TPTE2: variants seen among roughly 807,000 people sequenced by gnomAD.
TPTE2 encodes transmembrane phosphoinositide 3-phosphatase and tensin homolog 2.
A neutral mutation model predicts 78.6 loss-of-function variants in TPTE2; 53 were observed. The observed-to-expected ratio is 0.67, with a 90% CI of 0.54 to 0.85. TPTE2 has a LOEUF of 0.85. TPTE2 is among the 40% of genes least tolerant of loss of function. The pLI, the probability that TPTE2 is intolerant of heterozygous loss-of-function variation, is 0.00. For missense variants in TPTE2, 461 were observed against 623.0 expected, an observed-to-expected ratio of 0.74 and a Z score of 2.77; for synonymous variants, 175 against 206.2, an observed-to-expected ratio of 0.85 and a Z score of 1.30.
chr13:19,424,928 G>C lies in TPTE2; in HGVS notation c.1466+19C>G. ...ATTGAAGATTAGGCTGTTTCTATGG[G>C]TTTCTATTATATTCATACCTGTTAT... On this transcript the variant is annotated intron_variant, in intron 19 of 19. Transcript: ENST00000400230. 1 of 1,401,330 alleles carries C rather than the reference G, an allele frequency of 7.1e-7. No individual in the cohort carries two copies. Among genetic ancestry groups the C allele is most frequent in the South Asian group, 1.3e-5 (1 of 78,000 alleles). The allele number at this position is 1,401,330 out of a possible 1,614,324, so 86.8% of individuals were successfully genotyped here. A position where few individuals can be genotyped will look rare whatever the true frequency, so the allele number is the denominator to read the frequency against.
At chr13:19,475,545 T>G (rs764021099) in intron 5 of TPTE2, 28 bp downstream of exon 8, 19 of 1,604,202 alleles carry the variant, frequency 1.2e-5, no homozygotes, top group Non-Finnish European at 1.4e-5. Flanking sequence ...ATATATTTAA[T>G]ACATGGTGTT....
chr13:19,427,079 CTTTTTTT>C (rs55904352), intron 17 of TPTE2, among the ~76,000 whole-genome samples: 9 of 67,292 alleles, frequency 1.3e-4, no homozygotes, highest in African/African-American at 2.6e-4. Context: ...CTTTTCTTTT[CTTTTTTT>C]TTTTTTTTTT....
chr13:19,461,318 C>T (rs1393447623), intron 10 of TPTE2, among the ~76,000 whole-genome samples: 1 of 151,978 alleles, frequency 6.6e-6, no homozygotes, highest in African/African-American at 2.4e-5. Context: ...AATACTTGTT[C>T]ATATTTATGA....
rs923261780 is a variant in TPTE2 at position 19,535,135 on chromosome 13, C to T, written c.-44+1461G>A. Among the ~76,000 whole-genome samples the T allele has an allele frequency of 2.0e-5, 3 of 151,888 alleles. No individual in the cohort carries two copies. The highest frequency in any genetic ancestry group is 7.2e-5 in the African/African-American group (3 of 41,380). On this transcript the variant is annotated intron_variant, in intron 1 of 17. Coordinates refer to the TPTE2 transcript ENST00000390680. This position sits in a 1 kb window ranked among gnomAD's most constrained non-coding sequence, Gnocchi z 5.1. ...AGGAGAATCACTGGAACCCAGGAGG[C>T]GGAGGTTGCAGTGAGCTGAGATCAC...
intron 16 of TPTE2, among the ~76,000 whole-genome samples, chr13:19,432,088 C>T (rs1274792144): frequency 3.9e-5 from 2 of 50,924 alleles, no homozygotes; most frequent in African/African-American, 1.1e-4. Context: ...TCCACCAAGG[C>T]AAACTCTGAA....
In TPTE2 at chr13:19,450,250, G is replaced by T; in HGVS notation, c.884+13C>A. Reference sequence around the variant, plus strand: ...TAGCCCTCTTCTGATAGTCAATTTAGCATAAAACTTACTGTAGAGTGGGGA... The same window carrying T: ...TAGCCCTCTTCTGATAGTCAATTTATCATAAAACTTACTGTAGAGTGGGGA... On this transcript the variant is annotated intron_variant, in intron 12 of 19. Coordinates refer to ENST00000400230, the Ensembl canonical transcript of TPTE2. The T allele has an allele frequency of 1.9e-6, 3 of 1,610,946 alleles. No homozygotes were observed. The highest frequency in any genetic ancestry group is 2.5e-6 in the Non-Finnish European group (3 of 1,179,316).
At chr13:19,423,624 C>G (rs1227350379) in intron 19 of TPTE2, among the ~76,000 whole-genome samples, 2 of 152,134 alleles carry the variant, frequency 1.3e-5, no homozygotes, top group East Asian at 1.9e-4. Context: ...GAACACTAGG[C>G]ATAAATTGGT....
intron 1 of TPTE2, among the ~76,000 whole-genome samples, chr13:19,497,730 G>A (rs1312989627): frequency 1.2e-3 from 175 of 150,670 alleles, no homozygotes; most frequent in African/African-American, 2.9e-3. Context: ...GGAAACTCTA[G>A]AAAGCAGAGC....
rs867158443 is a variant in TPTE2 at position 19,497,813 on chromosome 13, A to G, written c.12-4312T>C. Among the ~76,000 whole-genome samples the G allele has an allele frequency of 3.2e-3, 486 of 151,144 alleles. 2 individuals carry two copies. Among genetic ancestry groups the G allele is most frequent in the East Asian group, 0.015 (74 of 5,046 alleles). On this transcript the variant is annotated intron_variant, in intron 1 of 19. Transcript: ENST00000400230. ...AAGCTGGATGGAGAATGACTTTGACAAGCTGAGAGAAGAAGGCTTCAGACG... is the reference window on the plus strand; with the variant it reads ...AAGCTGGATGGAGAATGACTTTGACGAGCTGAGAGAAGAAGGCTTCAGACG...
rs1880666091 is a variant in TPTE2, at chr13:19,486,437, T to C, written c.120-3890A>G. Among the ~76,000 whole-genome samples the C allele has an allele frequency of 1.3e-5, 2 of 152,206 alleles. No individual in the cohort carries two copies. The highest frequency in any genetic ancestry group is 6.5e-5 in the Admixed American group (1 of 15,282). ...TCAGAAAACTTGGAGTATGGCCTTATGCGGCTGGCCATGGTGCTGTCACTC... is the reference window on the plus strand; with the variant it reads ...TCAGAAAACTTGGAGTATGGCCTTACGCGGCTGGCCATGGTGCTGTCACTC... On this transcript the variant is annotated intron_variant, in intron 3 of 19. Coordinates refer to ENST00000400230, the Ensembl canonical transcript of TPTE2. This position sits in a 1 kb window ranked among gnomAD's most constrained non-coding sequence, Gnocchi z 4.3.
the TPTE2 span, among the ~76,000 whole-genome samples, chr13:19,551,483 G>A: frequency 3.3e-5 from 5 of 151,924 alleles, no homozygotes; most frequent in East Asian, 1.9e-4. Context: ...CCAGCTACTC[G>A]GCTTGGGATT....
At chr13:19,431,566 C>T (rs1876605631) in intron 16 of TPTE2, among the ~76,000 whole-genome samples, 1 of 152,168 alleles carries the variant, frequency 6.6e-6, no homozygotes, top group African/African-American at 2.4e-5. Flanking sequence ...GATTGTTCAT[C>T]TCATATGCTG....
At chr13:19,547,924 CT>C in the TPTE2 span, among the ~76,000 whole-genome samples, 2 of 151,266 alleles carry the variant, frequency 1.3e-5, no homozygotes, top group African/African-American at 4.8e-5. Flanking sequence ...TATCATTTGA[CT>C]TTTTTGCAAG....
chr13:19,523,580 A>G (rs1222707875), intron 1 of TPTE2, among the ~76,000 whole-genome samples: 1 of 151,936 alleles, frequency 6.6e-6, no homozygotes, highest in Admixed American at 6.6e-5. Context: ...AGTTCAAGTG[A>G]TTCTCCTGCC....
chr13:19,553,724 G>A, the TPTE2 span, among the ~76,000 whole-genome samples: 2 of 152,124 alleles, frequency 1.3e-5, no homozygotes, highest in Non-Finnish European at 1.5e-5. Context: ...TTTCAGTTAC[G>A]TACAATTCTA....
At chr13:19,457,700 T>C (rs1878627646) in intron 10 of TPTE2, among the ~76,000 whole-genome samples, 1 of 152,250 alleles carries the variant, frequency 6.6e-6, no homozygotes, top group Non-Finnish European at 1.5e-5. Context: ...AAGGATGTAA[T>C]CTTGTTCCTT....
chr13:19,507,699 T>C (rs536838564), upstream of TPTE2, among the ~76,000 whole-genome samples: 2 of 152,310 alleles, frequency 1.3e-5, no homozygotes, highest in East Asian at 1.9e-4. Flanking sequence ...AATATACACT[T>C]GTAACAGATA....
intron 4 of TPTE2, among the ~76,000 whole-genome samples, chr13:19,476,944 A>G (rs1208462539): frequency 6.6e-6 from 1 of 152,218 alleles, no homozygotes; most frequent in Non-Finnish European, 1.5e-5. Context: ...TACAATAGCA[A>G]AGACATGGAA....
At chr13:19,464,098 GC>G (rs1442949497) in intron 10 of TPTE2, among the ~76,000 whole-genome samples, 1 of 152,164 alleles carries the variant, frequency 6.6e-6, no homozygotes, top group Non-Finnish European at 1.5e-5. Context: ...GGGTAGCCAA[GC>G]CATTTTAGAC....
Sources: gnomAD v4.1 joint callset for allele counts (sites outside exome capture counted in the v4.1 genomes callset) on GRCh38, gnomAD v4.1.1 for gene constraint, Gnocchi (gnomAD v3.1) non-coding constraint, MANE v1.5 for transcripts, NCBI Gene and HGNC (gene_info 2026-07-23, HGNC 2026-07-21) for gene names.